CHM: variants seen among roughly 807,000 people sequenced by gnomAD.
The protein encoded by CHM is rab proteins geranylgeranyltransferase component A 1.
In CHM, 10 loss-of-function variants were observed where a neutral mutation model predicts 49.0. The ratio of observed to expected loss-of-function variants is 0.20; its 90% CI spans 0.13 to 0.35. The LOEUF (loss-of-function observed/expected upper bound fraction) is 0.35. Among genes scored for constraint, CHM ranks in the 10% least tolerant of loss-of-function variants. The pLI, the probability that CHM is intolerant of heterozygous loss-of-function variation, is 1.00. For synonymous variants in CHM, 184 were observed against 167.5 expected (o/e 1.10, Z -0.76); for missense variants, 455 against 478.4 (o/e 0.95, Z 0.46).
intron 2 of CHM, among the ~76,000 whole-genome samples, chrX:86,017,429 T>C (rs1249841823): frequency 9.0e-6 from 1 of 111,597 alleles, no homozygotes; most frequent in Non-Finnish European, 1.9e-5. Flanking sequence ...GGGAAATAAT[T>C]TGAATTATGG....
intron 4 of CHM, chrX:85,970,464 A>G (rs1035566961): frequency 1.3e-6 from 1 of 750,310 alleles, no homozygotes; most frequent in Admixed American, 8.8e-5. Context: ...TGATGTGCAT[A>G]CATGTGTTTA....
chrX:86,029,700 G>C (rs371780148), intron 1 of CHM, among the ~76,000 whole-genome samples: 14 of 111,450 alleles, frequency 1.3e-4, no homozygotes, highest in African/African-American at 4.6e-4. Flanking sequence ...ATGCAAGTTT[G>C]AAAATGAAGA....
At chrX:85,972,623 G>GGGCCGGCAGGGCT (rs1368405812) in intron 4 of CHM, among the ~76,000 whole-genome samples, 7 of 112,909 alleles carry the variant, frequency 6.2e-5, no homozygotes, top group African/African-American at 2.2e-4. Flanking sequence ...TCACTGCCCG[G>GGGCCGGCAGGGCT]GGCCGGCAGG....
intron 10 of CHM, 23 bp downstream of exon 10, chrX:85,901,061 C>T (rs367647686): frequency 2.9e-6 from 3 of 1,052,349 alleles, no homozygotes; most frequent in Middle Eastern, 2.5e-4. Context: ...CCTTCGCTTG[C>T]TAATGGGTGG....
At chrX:85,924,981 T>C (rs920321987) in intron 8 of CHM, among the ~76,000 whole-genome samples, 2 of 112,129 alleles carry the variant, frequency 1.8e-5, no homozygotes, top group African/African-American at 6.5e-5. Flanking sequence ...ATACATTCAA[T>C]ATCTTTCAGT....
chrX:85,894,326 T>C (rs752747134), intron 11 of CHM, 42 bp from the exon 12 acceptor site: 1 of 941,005 alleles, frequency 1.1e-6, no homozygotes, highest in South Asian at 2.0e-5. Flanking sequence ...CTGTTAGATC[T>C]CATTTTCATT....
chrX:85,896,161 A>C (rs1266996003), intron 11 of CHM, among the ~76,000 whole-genome samples: 1 of 109,897 alleles, frequency 9.1e-6, no homozygotes, highest in Non-Finnish European at 1.9e-5. Context: ...AAGAAAAAAA[A>C]AAAGAGAGAA....
At chrX:85,871,140 G>A (rs899023062) in intron 14 of CHM, among the ~76,000 whole-genome samples, 16 of 105,395 alleles carry the variant, frequency 1.5e-4, no homozygotes, top group African/African-American at 4.5e-4. Context: ...GTGAAACCCC[G>A]TCTCTACTAA....
At chrX:85,964,747 A>T (rs1167964895) in intron 4 of CHM, among the ~76,000 whole-genome samples, 1 of 112,038 alleles carries the variant, frequency 8.9e-6, no homozygotes, top group East Asian at 2.8e-4. Flanking sequence ...GATGTCTATT[A>T]CTCTAGTCGA....
At chrX:85,913,794 AG>A (rs1236557556) in intron 8 of CHM, among the ~76,000 whole-genome samples, 1 of 110,791 alleles carries the variant, frequency 9.0e-6, no homozygotes, top group Non-Finnish European at 1.9e-5. Context: ...ATGATTTGGA[AG>A]GAGAAGAGCC....
At chrX:85,956,052 T>A (rs781359972) in intron 8 of CHM, 101 bp downstream of exon 8, 48 of 641,421 alleles carry the variant, frequency 7.5e-5, no homozygotes, top group Non-Finnish European at 9.5e-5. Context: ...TATATTTGCA[T>A]ATACTAAATC....
At chrX:85,934,279 CTTT>C (rs769967072) in intron 8 of CHM, among the ~76,000 whole-genome samples, 4 of 71,274 alleles carry the variant, frequency 5.6e-5, no homozygotes, top group Middle Eastern at 8.5e-3. Flanking sequence ...TGCGCTCAGC[CTTT>C]TTTTTTTTTT....
chrX:85,953,228 G>A (rs897439075), intron 8 of CHM, among the ~76,000 whole-genome samples: 15 of 111,658 alleles, frequency 1.3e-4, no homozygotes, highest in African/African-American at 4.5e-4. Flanking sequence ...AGAAGTGTAC[G>A]ATTCCTACAA....
At chrX:85,870,037 C>T (rs1253336521) in intron 14 of CHM, among the ~76,000 whole-genome samples, 1 of 111,935 alleles carries the variant, frequency 8.9e-6, no homozygotes, top group Non-Finnish European at 1.9e-5. Flanking sequence ...TAGCATATAA[C>T]ACTGGGTGAG....
At chrX:85,913,364 G>A (rs781270606) in intron 8 of CHM, among the ~76,000 whole-genome samples, 1,733 of 68,235 alleles carry the variant, frequency 0.025, 210 homozygotes, top group Middle Eastern at 0.053. Flanking sequence ...AAGAAAGAAA[G>A]AAAGAAAGAA....
At chrX:85,984,039 T>C (rs1405692446) in intron 2 of CHM, among the ~76,000 whole-genome samples, 2 of 109,059 alleles carry the variant, frequency 1.8e-5, no homozygotes, top group Middle Eastern at 4.3e-3. Context: ...CCGTCTCTAC[T>C]AAACAGAAAA....
At chrX:85,899,416 T>C (rs753319826) in intron 11 of CHM, among the ~76,000 whole-genome samples, 2 of 111,270 alleles carry the variant, frequency 1.8e-5, no homozygotes, top group East Asian at 5.6e-4. Context: ...TTTAAATGTA[T>C]TCTCTGGGGA....
intron 14 of CHM, among the ~76,000 whole-genome samples, chrX:85,868,037 G>GTA (rs1923816470): frequency 1.8e-5 from 2 of 111,083 alleles, no homozygotes; most frequent in Admixed American, 1.9e-4. Context: ...GTGTGTGTGT[G>GTA]TGTGTGTGTG....
chrX:85,879,084 G>A, intron 12 of CHM, 21 bp from the exon 13 acceptor site: 1 of 1,039,802 alleles, frequency 9.6e-7, no homozygotes. Flanking sequence ...AAAAATATTT[G>A]AGTTCCTTGT....
Sources: gnomAD v4.1 joint callset for allele counts (sites outside exome capture counted in the v4.1 genomes callset) on GRCh38, gnomAD v4.1.1 for gene constraint, MANE v1.5 for transcripts, NCBI Gene and HGNC (gene_info 2026-07-23, HGNC 2026-07-21) for gene names.